CYREN: variants seen among roughly 807,000 people sequenced by gnomAD.
The protein encoded by CYREN is cell cycle regulator of NHEJ.
CYREN carries 7 observed loss-of-function variants against 9.7 expected under a neutral mutation model. That is an observed-to-expected ratio of 0.72 (90% CI 0.41 to 1.36). The LOEUF (loss-of-function observed/expected upper bound fraction) is 1.36, where lower values mean the gene tolerates loss of function less well. Ranked by LOEUF, CYREN falls within the 40% of genes most tolerant of loss-of-function variation. The pLI is 0.01. For missense variants in CYREN, 215 were observed against 198.1 expected, an observed-to-expected ratio of 1.09 and a Z score of -0.51; for synonymous variants, 76 against 77.9, an observed-to-expected ratio of 0.98 and a Z score of 0.13.
chr7:135,153,515 G>A (rs1383818605), intron 2 of CYREN, among the ~76,000 whole-genome samples: 1 of 151,408 alleles, frequency 6.6e-6, no homozygotes, highest in African/African-American at 2.4e-5. Flanking sequence ...CGTCAAGGAT[G>A]TGGAGAAAAG....
chr7:135,114,293 A>G (rs542814342), intron 2 of CYREN, among the ~76,000 whole-genome samples: 14 of 152,238 alleles, frequency 9.2e-5, no homozygotes, highest in Admixed American at 7.2e-4. Flanking sequence ...ACAATGTTGT[A>G]CCATTTTACA....
chr7:135,164,511 G>A (rs1208703644), downstream of CYREN: 2 of 1,613,406 alleles, frequency 1.2e-6, no homozygotes, highest in Non-Finnish European at 1.7e-6. Flanking sequence ...CGTGATTGTG[G>A]TCATCTGCCT....
At chr7:135,115,669 A>T in intron 2 of CYREN, 1 of 1,336,044 alleles carries the variant, frequency 7.5e-7, no homozygotes, top group Non-Finnish European at 1.0e-6. Flanking sequence ...TTAAAAAAGC[A>T]GGGCTTATTA....
At chr7:135,167,582 A>G (rs1158668936) in intron 3 of CYREN, 150 bp downstream of exon 3, 1 of 1,458,378 alleles carries the variant, frequency 6.9e-7, no homozygotes, top group African/African-American at 1.4e-5. Flanking sequence ...AGGCCTGGGC[A>G]GCATGGCCGA....
intron 2 of CYREN, chr7:135,152,918 G>A (rs1231010439): frequency 6.6e-6 from 1 of 152,186 alleles, no homozygotes; most frequent in African/African-American, 2.4e-5. Flanking sequence ...CGATGGGGAA[G>A]GGGCTGCCAA....
At chr7:135,171,859 G>A (rs941628402), upstream of CYREN, among the ~76,000 whole-genome samples, 1 of 152,234 alleles carries the variant, frequency 6.6e-6, no homozygotes, top group Admixed American at 6.5e-5. Flanking sequence ...GTAGGAAATG[G>A]CCCCGGTGGA....
chr7:135,171,325 TTAA>T (rs767405697), upstream of CYREN, among the ~76,000 whole-genome samples: 18 of 14,988 alleles, frequency 1.2e-3, no homozygotes, highest in South Asian at 7.8e-3. Flanking sequence ...TTTTTTTTTT[TTAA>T]AAAAAAAAGG....
At chr7:135,113,740 A>T (rs1424645378) in intron 2 of CYREN, among the ~76,000 whole-genome samples, 2 of 152,218 alleles carry the variant, frequency 1.3e-5, no homozygotes, top group Non-Finnish European at 2.9e-5. Flanking sequence ...GTACAGTCGC[A>T]TTGTGGTGCA....
chr7:135,170,999 G>A (rs1032625916), upstream of CYREN, among the ~76,000 whole-genome samples: 3 of 152,222 alleles, frequency 2.0e-5, no homozygotes, highest in African/African-American at 7.2e-5. Context: ...GGAAGGGAAC[G>A]GGCATGTTTT....
chr7:135,171,230 C>G (rs984088697), upstream of CYREN, among the ~76,000 whole-genome samples: 2 of 151,896 alleles, frequency 1.3e-5, no homozygotes, highest in African/African-American at 4.8e-5. Flanking sequence ...TTAACCAAGG[C>G]TAGAAAGAAT....
At position 135,167,815 on chromosome 7, in the gene CYREN, A is replaced by G; in HGVS notation, c.138-8T>C. The G allele has an allele frequency of 6.2e-7, 1 of 1,614,138 alleles. No individual in the cohort carries two copies. The highest frequency in any genetic ancestry group is 8.5e-7 in the Non-Finnish European group (1 of 1,180,024). ...GTCCTTGTCGCAGGGAGTCTGAAAA[A>G]AAGACATGCAAGGCACAGATGACAC... On this transcript the variant is annotated splice_polypyrimidine_tract_variant and splice_region_variant and intron_variant, in intron 2 of 3. Transcript: ENST00000393114.
intron 2 of CYREN, chr7:135,128,665 C>A: frequency 9.2e-7 from 1 of 1,088,286 alleles, no homozygotes; most frequent in Non-Finnish European, 1.4e-6. Flanking sequence ...AAGGAAGAGA[C>A]CCTAGTATAC....
chr7:135,137,776 A>G (rs865948451), intron 2 of CYREN, among the ~76,000 whole-genome samples: 5 of 152,024 alleles, frequency 3.3e-5, no homozygotes, highest in African/African-American at 1.2e-4. Context: ...ATAGAAATTT[A>G]TCTCAGTTCT....
rs559118247 is a variant in CYREN, at chr7:135,149,188, C to CT, written n.356+19560dup. Among the ~76,000 whole-genome samples, 525 of 151,242 alleles carry CT rather than the reference C, an allele frequency of 3.5e-3. 4 individuals carry two copies. Among genetic ancestry groups the CT allele is most frequent in the Middle Eastern group, 0.024 (7 of 294 alleles). Reference sequence around the variant, plus strand: ...TTTTGAATGCCTGTTTTATAAATTTCTTTTTTTTTCATAAATGTAGCACAT... The same window carrying CT: ...TTTTGAATGCCTGTTTTATAAATTTCTTTTTTTTTTCATAAATGTAGCACAT... On this transcript the variant is annotated intron_variant and non_coding_transcript_variant, in intron 2 of 2. Coordinates refer to the CYREN transcript ENST00000459937.
At chr7:135,169,806 T>C (rs1174025313) in intron 1 of CYREN, among the ~76,000 whole-genome samples, 2 of 152,048 alleles carry the variant, frequency 1.3e-5, no homozygotes, top group African/African-American at 4.8e-5. Context: ...AAGCGGAGGT[T>C]TGCCCAAAAA....
At chr7:135,164,926 T>C, downstream of CYREN, 1 of 1,613,992 alleles carries the variant, frequency 6.2e-7, no homozygotes, top group African/African-American at 1.3e-5. Flanking sequence ...GCCTTACTCA[T>C]CCTCTTGCTT....
At chr7:135,114,953 C>T (rs1344657180) in intron 2 of CYREN, among the ~76,000 whole-genome samples, 2 of 152,142 alleles carry the variant, frequency 1.3e-5, no homozygotes, top group Non-Finnish European at 2.9e-5. Context: ...TTATAACTTT[C>T]CCTTTTGTTC....
intron 2 of CYREN, among the ~76,000 whole-genome samples, chr7:135,145,817 C>G (rs911872238): frequency 6.6e-6 from 1 of 152,072 alleles, no homozygotes; most frequent in African/African-American, 2.4e-5. Flanking sequence ...TACAGTAAAG[C>G]AAATCACACG....
chr7:135,151,656 G>A lies in CYREN; in HGVS notation n.356+17093C>T, dbSNP rs1322183796. 2.6e-5 allele frequency among the ~76,000 whole-genome samples: 4 copies of A among 152,174 alleles called. No homozygotes were observed. Among genetic ancestry groups the A allele is most frequent in the African/African-American group, 4.8e-5 (2 of 41,432 alleles). ...GACACATTGACCCAGTTTGTGTCAG[G>A]CCCCAAGCCCTCTATATGTGAGTGA... is the stretch of plus-strand genomic sequence containing the variant. On this transcript the variant is annotated intron_variant and non_coding_transcript_variant, in intron 2 of 2. Transcript: ENST00000459937. The surrounding 1 kb of genome is among the most constrained non-coding windows in gnomAD (Gnocchi z 4.3).
Sources: gnomAD v4.1 joint callset for allele counts (sites outside exome capture counted in the v4.1 genomes callset) on GRCh38, gnomAD v4.1.1 for gene constraint, Gnocchi (gnomAD v3.1) non-coding constraint, MANE v1.5 for transcripts, NCBI Gene and HGNC (gene_info 2026-07-23, HGNC 2026-07-21) for gene names.